The following HDLBP variants were observed in gnomAD, a reference collection of about 807,000 sequenced individuals.
HDLBP encodes high density lipoprotein binding protein.
A neutral mutation model predicts 137.3 loss-of-function variants in HDLBP; 30 were observed. The observed-to-expected ratio is 0.22, with a 90% CI of 0.16 to 0.30. The LOEUF is 0.30. Ranked by LOEUF, HDLBP falls within the 10% of genes least tolerant of loss-of-function variation. The pLI is 1.00. For missense variants in HDLBP, 1,119 were observed against 1,667.3 expected (o/e 0.67, Z 5.73); for synonymous variants, 606 against 596.0 (o/e 1.02, Z -0.24).
Position 241,239,515 on chromosome 2 carries a change from C to A in HDLBP, c.2610+87G>T. ...AGGGCTGTATGAGGGAGTCACCTCC[C>A]TACAGGGTGGAGCGAACACTCATAC... On this transcript the variant is annotated intron_variant, in intron 19 of 27. Coordinates refer to ENST00000310931, the MANE Select transcript of HDLBP (RefSeq NM_005336.6). The surrounding 1 kb of genome is among the most constrained non-coding windows in gnomAD (Gnocchi z 4.6). 9.0e-7 allele frequency: 1 copy of A among 1,113,888 alleles called. No individual in the cohort carries two copies. The highest frequency in any genetic ancestry group is 1.4e-5 in the South Asian group (1 of 73,356). The allele number at this position is 1,113,888 out of a possible 1,614,324, so 69.0% of individuals were successfully genotyped here.
chr2:241,262,826 C>G lies in HDLBP; in HGVS notation c.335G>C (p.Gly112Ala). ...GGCCAAAGACAGCTCCAAGTGAGCACCAGTTCTCTGCATGATCTCAAGGCA... is the reference window on the plus strand; with the variant it reads ...GGCCAAAGACAGCTCCAAGTGAGCAGCAGTTCTCTGCATGATCTCAAGGCA... ...KICLEIMQRT[G>A]AHLELSLAKD... Residue 112 changes from glycine (G) to alanine (A), a missense_variant, in exon 5 of 28, where the codon GGT becomes GCT. Coordinates refer to ENST00000310931, the MANE Select transcript of HDLBP (RefSeq NM_005336.6). 6.2e-7 allele frequency: 1 copy of G among 1,614,150 alleles called. No homozygotes were observed.
At chr2:241,275,012 C>T (rs2074337177) in intron 1 of HDLBP, among the ~76,000 whole-genome samples, 1 of 152,040 alleles carries the variant, frequency 6.6e-6, no homozygotes, top group Admixed American at 6.6e-5. Context: ...GAAGAAAAGC[C>T]CACTAGTGTA....
intron 20 of HDLBP, among the ~76,000 whole-genome samples, chr2:241,237,013 C>A (rs564548621): frequency 4.1e-4 from 59 of 144,140 alleles, no homozygotes; most frequent in Middle Eastern, 3.8e-3. Context: ...AAGGCTTTGC[C>A]GGGAGGCCGT....
chr2:241,270,070 G>A (rs2073941873), intron 1 of HDLBP, among the ~76,000 whole-genome samples: 1 of 152,164 alleles, frequency 6.6e-6, no homozygotes, highest in Non-Finnish European at 1.5e-5. Flanking sequence ...GTCCATGTCA[G>A]CCCGCACCGA....
rs537987672 is a variant in HDLBP, at chr2:241,238,861, T to G, written c.2611-74A>C. The G allele has an allele frequency of 2.8e-5, 35 of 1,240,480 alleles. 2 individuals carry two copies. In the South Asian group the frequency reaches 6.0e-4, roughly 21 times the overall value. The allele number at this position is 1,240,480 out of a possible 1,614,324, so 76.8% of individuals were successfully genotyped here. ...CTTAGGGCAAGTTTTACAGCACTCT[T>G]CACACCACCTTCCTCCCTGTCCTCT... is the stretch of plus-strand genomic sequence containing the variant. On this transcript the variant is annotated intron_variant, in intron 19 of 27. Coordinates refer to ENST00000310931, the MANE Select transcript of HDLBP (RefSeq NM_005336.6). This position sits in a 1 kb window ranked among gnomAD's most constrained non-coding sequence, Gnocchi z 4.9.
chr2:241,303,094 A>G (rs532679834), intron 1 of HDLBP, among the ~76,000 whole-genome samples: 7 of 152,356 alleles, frequency 4.6e-5, no homozygotes, highest in South Asian at 4.1e-4. Context: ...TGCAGCTGAG[A>G]TAAGAATACA....
Position 241,239,917 on chromosome 2 carries a change from G to A in HDLBP, c.2375C>T (p.Ala792Val), listed in dbSNP as rs2071037087. The A allele has an allele frequency of 6.2e-7, 1 of 1,613,986 alleles. No individual in the cohort carries two copies. The highest frequency in any genetic ancestry group is 8.5e-7 in the Non-Finnish European group (1 of 1,179,992). The change falls in exon 18 of 28, where the codon GCC becomes GTC. Residue 792 changes from alanine to valine, a missense_variant. Coordinates refer to ENST00000310931, the MANE Select transcript of HDLBP (RefSeq NM_005336.6). This position sits in a 1 kb window ranked among gnomAD's most constrained non-coding sequence, Gnocchi z 4.6. The stretch of plus-strand genomic sequence containing the variant: ...GCTCCCTACCAGGTTTTGGATCAAG[G>A]CCTCCAGCTCCTTCTGTGCCTCTCG... ...AVREAQKELE[A>V]LIQNLDNVVE...
intron 2 of HDLBP, 33 bp from the exon 3 acceptor site, chr2:241,266,939 G>T: frequency 6.9e-7 from 1 of 1,448,102 alleles, no homozygotes; most frequent in Non-Finnish European, 9.7e-7. Flanking sequence ...AGAAGTCAAA[G>T]TACAACCCTC....
intron 1 of HDLBP, among the ~76,000 whole-genome samples, chr2:241,307,450 C>T (rs62186419): frequency 0.31 from 47,457 of 151,800 alleles, 8,180 homozygotes; most frequent in East Asian, 0.51. Flanking sequence ...AGGGGCTACA[C>T]GAATAATGGT....
intron 1 of HDLBP, chr2:241,315,206 G>A (rs571595977): frequency 6.6e-6 from 1 of 152,140 alleles, no homozygotes; most frequent in African/African-American, 2.4e-5. Flanking sequence ...ACGTCCCCGG[G>A]GAGGGACGCC....
Position 241,229,141 on chromosome 2 carries a change from A to T in HDLBP, c.*460T>A, listed in dbSNP as rs936465580. The T allele has an allele frequency of 1.2e-5, 2 of 167,990 alleles. No homozygotes were observed. The highest frequency in any genetic ancestry group is 4.8e-5 in the African/African-American group (2 of 41,514). 10.4% of individuals were successfully genotyped at this position (167,990 alleles called of 1,614,324 possible). A position where few individuals can be genotyped will look rare whatever the true frequency, so the allele number is the denominator to read the frequency against. On this transcript the variant is annotated 3_prime_UTR_variant, in exon 28 of 28. Transcript: ENST00000310931. ...CTGGCAGCTGGAGGAGGCTGATTGCACTCCACAAACAGGACTGTCTGGACC... is the reference window on the plus strand; with the variant it reads ...CTGGCAGCTGGAGGAGGCTGATTGCTCTCCACAAACAGGACTGTCTGGACC...
At chr2:241,241,874 T>C (rs1174576347) in intron 17 of HDLBP, among the ~76,000 whole-genome samples, 1 of 152,148 alleles carries the variant, frequency 6.6e-6, no homozygotes, top group Non-Finnish European at 1.5e-5. Flanking sequence ...GAGCTGTCAA[T>C]CCTCGCCAGT....
chr2:241,239,561 C>T lies in HDLBP; in HGVS notation c.2610+41G>A. ...CATACACGGCTTCGGTGAGTGGCCA[C>T]TGGGGGGTGAGAACCCCTCCCCGAG... is the stretch of plus-strand genomic sequence containing the variant. On this transcript the variant is annotated intron_variant, in intron 19 of 27. Transcript: ENST00000310931. The surrounding 1 kb of genome is among the most constrained non-coding windows in gnomAD (Gnocchi z 4.6). The T allele has an allele frequency of 1.3e-6, 2 of 1,540,180 alleles. No homozygotes were observed. Among genetic ancestry groups the T allele is most frequent in the Non-Finnish European group, 1.8e-6 (2 of 1,114,352 alleles).
chr2:241,312,897 T>C (rs2075795619), intron 1 of HDLBP, among the ~76,000 whole-genome samples: 1 of 152,192 alleles, frequency 6.6e-6, no homozygotes, highest in Non-Finnish European at 1.5e-5. Context: ...GTATCTTAGA[T>C]AAAACTCACT....
chr2:241,268,603 C>T lies in HDLBP; in HGVS notation c.-102-62G>A, dbSNP rs946965853. 33 of 557,354 alleles carry T rather than the reference C, an allele frequency of 5.9e-5. No homozygotes were observed. The African/African-American group carries it at 6.3e-4, about 11-fold the overall frequency. The allele number at this position is 557,354 out of a possible 1,614,324, so 34.5% of individuals were successfully genotyped here. ...AAACCAGAGAAAAGTTACTTATCTA[C>T]ATTTTACAACTCAGATCTTTTTACC... On this transcript the variant is annotated intron_variant, in intron 1 of 27. Transcript: ENST00000310931.
rs1408251173 is a variant in HDLBP, at chr2:241,272,699, G to T, written c.-102-4158C>A. 6 of 569,552 alleles carry T rather than the reference G, an allele frequency of 1.1e-5. No individual in the cohort carries two copies. Among genetic ancestry groups the T allele is most frequent in the Admixed American group, 2.4e-4 (1 of 4,166 alleles). The allele number at this position is 569,552 out of a possible 1,614,324, so 35.3% of individuals were successfully genotyped here. On this transcript the variant is annotated intron_variant, in intron 1 of 27. Coordinates refer to ENST00000310931, the MANE Select transcript of HDLBP (RefSeq NM_005336.6). The surrounding 1 kb of genome is among the most constrained non-coding windows in gnomAD (Gnocchi z 5.6). ...CAGCCACCCCCCACCCCCCCGCCCGGCAGCCCGCCCGCCCCGTCCGCCCGC... is the reference window on the plus strand; with the variant it reads ...CAGCCACCCCCCACCCCCCCGCCCGTCAGCCCGCCCGCCCCGTCCGCCCGC...
chr2:241,242,308 C>CA, intron 17 of HDLBP, 152 bp downstream of exon 17: 1 of 647,942 alleles, frequency 1.5e-6, no homozygotes, highest in South Asian at 2.0e-5. Context: ...CCAGTAACAG[C>CA]AAAAACAAAG....
chr2:241,242,888 C>T (rs1307260295), intron 16 of HDLBP: 16 of 582,002 alleles, frequency 2.7e-5, no homozygotes, highest in African/African-American at 7.5e-5. Context: ...GGGGTGCGCC[C>T]AGCAGAGCAG....
intron 1 of HDLBP, among the ~76,000 whole-genome samples, chr2:241,310,470 T>C (rs1162348929): frequency 6.6e-6 from 1 of 152,234 alleles, no homozygotes. Flanking sequence ...TTATGTTAAC[T>C]TGATTTTATT....
Sources: gnomAD v4.1 joint callset for allele counts (sites outside exome capture counted in the v4.1 genomes callset) on GRCh38, gnomAD v4.1.1 for gene constraint, Gnocchi (gnomAD v3.1) non-coding constraint, MANE v1.5 for transcripts, NCBI Gene and HGNC (gene_info 2026-07-23, HGNC 2026-07-21) for gene names.